Variants in SLC1A3 observed in about 807,000 individuals in gnomAD.
SLC1A3 encodes solute carrier family 1 member 3.
Under a neutral mutation model 48.1 loss-of-function variants are expected in SLC1A3, and 21 were observed. The ratio of observed to expected loss-of-function variants is 0.44; its 90% CI spans 0.31 to 0.63. The LOEUF (loss-of-function observed/expected upper bound fraction) is 0.63. Ranked by LOEUF, SLC1A3 falls within the 20% of genes least tolerant of loss-of-function variation. The probability of loss-of-function intolerance (pLI) is 0.08; values close to 1 mark genes in which losing one functional copy is unlikely to be tolerated. For synonymous variants in SLC1A3, 239 were observed against 251.4 expected (o/e 0.95, Z 0.47); for missense variants, 546 against 689.0 (o/e 0.79, Z 2.32).
At chr5:36,608,305 A>T in intron 1 of SLC1A3, 24 bp from the exon 2 acceptor site, 1 of 898,752 alleles carries the variant, frequency 1.1e-6, no homozygotes, top group Non-Finnish European at 1.8e-6. Flanking sequence ...GCTATAACTC[A>T]TGTCTCTTTT....
chr5:36,627,232 G>GA (rs1178852427), intron 2 of SLC1A3, among the ~76,000 whole-genome samples: 7 of 151,916 alleles, frequency 4.6e-5, no homozygotes, highest in Non-Finnish European at 1.0e-4. Flanking sequence ...ATACAATTAG[G>GA]AAAAATAGTC....
intron 3 of SLC1A3, among the ~76,000 whole-genome samples, chr5:36,654,234 C>T (rs72732545): frequency 9.7e-4 from 148 of 152,258 alleles, no homozygotes; most frequent in Non-Finnish European, 1.6e-3. Context: ...TTAGGAAACA[C>T]AGTGAAAATG....
intron 3 of SLC1A3, among the ~76,000 whole-genome samples, chr5:36,631,180 T>C (rs908586668): frequency 2.0e-5 from 3 of 152,200 alleles, no homozygotes; most frequent in African/African-American, 7.2e-5. Context: ...TCTTTTATAC[T>C]TTCTCTTCAA....
At chr5:36,644,620 T>C (rs1016000733) in intron 3 of SLC1A3, among the ~76,000 whole-genome samples, 1 of 152,232 alleles carries the variant, frequency 6.6e-6, no homozygotes, top group African/African-American at 2.4e-5. Context: ...ATAAGGCAGA[T>C]ATAAATATTT....
At chr5:36,669,987 A>G (rs1741921171) in intron 3 of SLC1A3, 2 of 152,084 alleles carry the variant, frequency 1.3e-5, no homozygotes, top group Admixed American at 6.6e-5. Flanking sequence ...ATTAACTGTA[A>G]TTGGATTACA....
chr5:36,621,534 G>T (rs755693175), intron 2 of SLC1A3, among the ~76,000 whole-genome samples: 5 of 152,182 alleles, frequency 3.3e-5, no homozygotes, highest in Non-Finnish European at 5.9e-5. Context: ...GGAGAGAGGT[G>T]AAGTAGAGGC....
In SLC1A3 at chr5:36,646,532, G is replaced by T. The variant is rs114159009; in HGVS notation, c.319+16945G>T. ...TGTGTCAGCTTTGTCCCTCAGCCCT[G>T]TGATTTGCTTTTGGTGGCTCAGGGC... On this transcript the variant is annotated intron_variant, in intron 3 of 9. Transcript: ENST00000265113. 5.3e-3 allele frequency among the ~76,000 whole-genome samples: 805 copies of T among 152,338 alleles called. 10 individuals carry two copies. Among genetic ancestry groups the T allele is most frequent in the African/African-American group, 0.018 (756 of 41,578 alleles).
At chr5:36,626,314 C>T (rs1268967800) in intron 2 of SLC1A3, among the ~76,000 whole-genome samples, 1 of 152,146 alleles carries the variant, frequency 6.6e-6, no homozygotes, top group Non-Finnish European at 1.5e-5. Context: ...GCTTCTAGAA[C>T]CTATATCATT....
chr5:36,624,595 G>A (rs1237396736), intron 2 of SLC1A3, among the ~76,000 whole-genome samples: 1 of 152,192 alleles, frequency 6.6e-6, no homozygotes, highest in Non-Finnish European at 1.5e-5. Context: ...TGCTTGTGAG[G>A]ACTTGGTATC....
At chr5:36,625,755 T>A (rs1011890523) in intron 2 of SLC1A3, among the ~76,000 whole-genome samples, 2 of 152,164 alleles carry the variant, frequency 1.3e-5, no homozygotes, top group Non-Finnish European at 2.9e-5. Context: ...ATAAATGATG[T>A]CTCCTCTCTA....
In SLC1A3 at chr5:36,687,356, A is replaced by G. The variant is rs561477691; in HGVS notation, c.*1087A>G. 94 of 152,348 alleles carry G rather than the reference A, an allele frequency of 6.2e-4. No individual in the cohort carries two copies. Among genetic ancestry groups the G allele is most frequent in the African/African-American group, 2.1e-3 (89 of 41,584 alleles). The allele number at this position is 152,348 out of a possible 1,614,324, so 9.4% of individuals were successfully genotyped here. A position where few individuals can be genotyped will look rare whatever the true frequency, so the allele number is the denominator to read the frequency against. ...GCACAGGCAACATTACAAACAAAGG[A>G]TTTGAAAACACCAAGAGTACAGGTC... is the stretch of plus-strand genomic sequence containing the variant. On this transcript the variant is annotated 3_prime_UTR_variant, in exon 10 of 10. Transcript: ENST00000265113.
At chr5:36,676,726 AG>A (rs1742223607) in intron 5 of SLC1A3, among the ~76,000 whole-genome samples, 165 bp from the exon 6 acceptor site, 1 of 152,090 alleles carries the variant, frequency 6.6e-6, no homozygotes, top group Non-Finnish European at 1.5e-5. Context: ...AGAAACTAGT[AG>A]GGGTTTGCCA....
intron 6 of SLC1A3, among the ~76,000 whole-genome samples, chr5:36,678,563 T>C (rs16903262): frequency 0.022 from 3,372 of 152,296 alleles, 136 homozygotes; most frequent in African/African-American, 0.077. Flanking sequence ...GAAAGAAGCA[T>C]TGTATTTTTC....
intron 4 of SLC1A3, among the ~76,000 whole-genome samples, chr5:36,673,544 G>T (rs1262385193): frequency 6.6e-6 from 1 of 152,190 alleles, no homozygotes; most frequent in Non-Finnish European, 1.5e-5. Flanking sequence ...CCAAAGAGTT[G>T]CAGAAGCTTT....
chr5:36,658,902 T>C (rs4869684), intron 3 of SLC1A3, among the ~76,000 whole-genome samples: 58,886 of 152,000 alleles, frequency 0.39, 12,412 homozygotes, highest in East Asian at 0.67. Flanking sequence ...TCCAGTTCAA[T>C]GAGAGATGTC....
At chr5:36,611,976 A>G (rs958977722) in intron 2 of SLC1A3, among the ~76,000 whole-genome samples, 1 of 152,218 alleles carries the variant, frequency 6.6e-6, no homozygotes, top group Non-Finnish European at 1.5e-5. Context: ...ATGTATAAAT[A>G]GGAATGCATA....
At chr5:36,661,668 A>T (rs1741521151) in intron 3 of SLC1A3, among the ~76,000 whole-genome samples, 1 of 152,028 alleles carries the variant, frequency 6.6e-6, no homozygotes, top group Admixed American at 6.5e-5. Context: ...CTGGAGTCAC[A>T]CTCCTGCTTC....
At chr5:36,656,094 G>A (rs1352131846) in intron 3 of SLC1A3, among the ~76,000 whole-genome samples, 1 of 152,112 alleles carries the variant, frequency 6.6e-6, no homozygotes, top group African/African-American at 2.4e-5. Flanking sequence ...CTTGATTAAA[G>A]GTTAATTCTA....
At chr5:36,596,906 C>T (rs1738747114) in intron 1 of SLC1A3, among the ~76,000 whole-genome samples, 1 of 152,142 alleles carries the variant, frequency 6.6e-6, no homozygotes, top group South Asian at 2.1e-4. Context: ...AATCAGAGCA[C>T]GGATGGGGGC....
Sources: gnomAD v4.1 joint callset for allele counts (sites outside exome capture counted in the v4.1 genomes callset) on GRCh38, gnomAD v4.1.1 for gene constraint, MANE v1.5 for transcripts, NCBI Gene and HGNC (gene_info 2026-07-23, HGNC 2026-07-21) for gene names.